UBE3C: variants seen among roughly 807,000 people sequenced by gnomAD.
UBE3C encodes the protein ubiquitin-protein ligase E3C.
Under a neutral mutation model 129.4 loss-of-function variants are expected in UBE3C, and 42 were observed. That is an observed-to-expected ratio of 0.32 (90% CI 0.25 to 0.42). UBE3C has a LOEUF of 0.42. Among genes scored for constraint, UBE3C ranks in the 10% least tolerant of loss-of-function variants. The pLI is 1.00. For synonymous variants in UBE3C, 510 were observed against 492.4 expected (o/e 1.04, Z -0.47); for missense variants, 1,049 against 1,319.1 (o/e 0.80, Z 3.17).
intron 18 of UBE3C, among the ~76,000 whole-genome samples, chr7:157,241,043 G>GAGGGA (rs551297329): frequency 5.7e-4 from 87 of 152,282 alleles, no homozygotes; most frequent in African/African-American, 1.9e-3. Flanking sequence ...ATTTTAGCGG[G>GAGGGA]AGGGAAGGGA....
At chr7:157,140,261 G>C (rs1182899050) in intron 1 of UBE3C, among the ~76,000 whole-genome samples, 2 of 150,664 alleles carry the variant, frequency 1.3e-5, no homozygotes, top group Admixed American at 6.6e-5. Flanking sequence ...ACAACCACCA[G>C]GTAGGCACAT....
intron 17 of UBE3C, among the ~76,000 whole-genome samples, chr7:157,230,843 G>C (rs1459295518): frequency 6.6e-6 from 1 of 151,376 alleles, no homozygotes; most frequent in Non-Finnish European, 1.5e-5. Context: ...AATTCCCTGA[G>C]AGTTTGTGGG....
Position 157,231,217 on chromosome 7 carries a change from T to C in UBE3C, c.2371T>C (p.Phe791Leu). Reference sequence around the variant, plus strand: ...GTCAGGATTTAACCCCAACCAGGGGTTCTTTAAGACTACTAATGAAGGGCT... The same window carrying C: ...GTCAGGATTTAACCCCAACCAGGGGCTCTTTAAGACTACTAATGAAGGGCT... ...LKSGFNPNQG[F>L]FKTTNEGLLY... Residue 791 changes from phenylalanine (F) to leucine (L), a missense_variant, in exon 18 of 23, where the codon TTC becomes CTC. This residue lies in a region of UBE3C where 243 missense variants were observed against 368.7 expected (regional missense o/e 0.66). Coordinates refer to ENST00000348165, the MANE Select transcript of UBE3C (RefSeq NM_014671.3). 1 of 1,613,976 alleles carries C rather than the reference T, an allele frequency of 6.2e-7. No individual in the cohort carries two copies. The highest frequency in any genetic ancestry group is 8.5e-7 in the Non-Finnish European group (1 of 1,180,002).
chr7:157,201,795 G>A lies in UBE3C; in HGVS notation c.1406G>A (p.Arg469Gln), dbSNP rs145837581. 1.1e-3 allele frequency: 1,711 copies of A among 1,610,790 alleles called. 2 individuals are homozygous for A. Among genetic ancestry groups the A allele is most frequent in the Non-Finnish European group, 1.3e-3 (1,557 of 1,178,740 alleles). The change falls in exon 11 of 23, where the codon CGG becomes CAG. Residue 469 changes from arginine to glutamine, a missense_variant. Physicochemically the swap from Arg to Gln is conservative, Grantham distance 43. Transcript: ENST00000348165. ...LWFLISSMST[R>Q]MITGSMVPLL... Reference sequence around the variant, plus strand: ...TTTCTAATATCTTCCATGTCAACACGGATGATCACAGGGTATGTATTATAC... The same window carrying A: ...TTTCTAATATCTTCCATGTCAACACAGATGATCACAGGGTATGTATTATAC...
intron 3 of UBE3C, 99 bp downstream of exon 3, chr7:157,169,221 A>C: frequency 1.2e-6 from 1 of 804,272 alleles, no homozygotes; most frequent in Admixed American, 2.4e-5. Context: ...CAATGCTGAC[A>C]GTAGTATTCT....
intron 10 of UBE3C, among the ~76,000 whole-genome samples, chr7:157,189,736 C>T (rs1245352620): frequency 6.7e-6 from 1 of 148,926 alleles, no homozygotes; most frequent in Non-Finnish European, 1.5e-5. Context: ...TTCTCAGTTT[C>T]CTTTGTGGGT....
intron 14 of UBE3C, among the ~76,000 whole-genome samples, chr7:157,219,074 A>G (rs749671479): frequency 1.1e-4 from 16 of 152,334 alleles, no homozygotes; most frequent in Admixed American, 8.5e-4. Context: ...TTTGCAAACT[A>G]GAATCAGCCT....
At chr7:157,184,109 T>A (rs1226611163) in intron 9 of UBE3C, 80 bp downstream of exon 9, 1 of 1,556,290 alleles carries the variant, frequency 6.4e-7, no homozygotes, top group East Asian at 2.3e-5. Context: ...CCACCCGTAG[T>A]TTCAGTTACA....
At position 157,267,838 on chromosome 7, in the gene UBE3C, C is replaced by A. The variant is rs1797122435; in HGVS notation, c.*83C>A. 8.2e-7 allele frequency: 1 copy of A among 1,225,662 alleles called. No homozygotes were observed. The highest frequency in any genetic ancestry group is 1.1e-6 in the Non-Finnish European group (1 of 899,700). 75.9% of individuals were successfully genotyped at this position (1,225,662 alleles called of 1,614,324 possible). Reference sequence around the variant, plus strand: ...CTCCCCAGACCCACGAGGATACTCACACTGCACGCCTGAGGCTCTCCTAAG... The same window carrying A: ...CTCCCCAGACCCACGAGGATACTCAAACTGCACGCCTGAGGCTCTCCTAAG... On this transcript the variant is annotated 3_prime_UTR_variant, in exon 23 of 23. Coordinates refer to ENST00000348165, the MANE Select transcript of UBE3C (RefSeq NM_014671.3).
At chr7:157,177,195 A>T (rs1014276827) in intron 5 of UBE3C, among the ~76,000 whole-genome samples, 2 of 152,160 alleles carry the variant, frequency 1.3e-5, no homozygotes, top group African/African-American at 2.4e-5. Flanking sequence ...AGCCATTCTG[A>T]TGGGTGTGTA....
chr7:157,243,461 C>T (rs73509649), intron 18 of UBE3C, among the ~76,000 whole-genome samples: 6,911 of 152,224 alleles, frequency 0.045, 380 homozygotes, highest in African/African-American at 0.12. Flanking sequence ...CTCAGTTATC[C>T]GTGGTAGACA....
chr7:157,226,847 C>T (rs1428477345), intron 17 of UBE3C, among the ~76,000 whole-genome samples: 3 of 151,868 alleles, frequency 2.0e-5, no homozygotes, highest in East Asian at 1.9e-4. Context: ...CTCCACAGGG[C>T]CAGGTTTGTC....
intron 4 of UBE3C, 90 bp downstream of exon 4, chr7:157,170,540 A>G: frequency 1.5e-6 from 2 of 1,344,370 alleles, no homozygotes; most frequent in Non-Finnish European, 9.7e-7. Flanking sequence ...CAGAAAGTTA[A>G]ACAGCTCTCC....
At chr7:157,163,977 A>ATGTG (rs1586655103) in intron 2 of UBE3C, 114 bp downstream of exon 2, 1 of 875,386 alleles carries the variant, frequency 1.1e-6, no homozygotes, top group East Asian at 2.6e-5. Flanking sequence ...ATATGACAGA[A>ATGTG]TGTGTGTGTA....
intron 1 of UBE3C, among the ~76,000 whole-genome samples, chr7:157,142,898 G>A (rs543486007): frequency 3.3e-5 from 5 of 150,578 alleles, no homozygotes; most frequent in East Asian, 1.9e-4. Context: ...ACGCTGGAGC[G>A]CAGTGTTGCC....
At chr7:157,177,099 G>A (rs1398591648) in intron 5 of UBE3C, among the ~76,000 whole-genome samples, 1 of 152,176 alleles carries the variant, frequency 6.6e-6, no homozygotes, top group Non-Finnish European at 1.5e-5. Context: ...CACTTTAGAA[G>A]AAACTACCAA....
intron 13 of UBE3C, among the ~76,000 whole-genome samples, chr7:157,212,805 C>G (rs950623787): frequency 6.6e-6 from 1 of 152,046 alleles, no homozygotes; most frequent in Non-Finnish European, 1.5e-5. Context: ...TTCTGTTGCC[C>G]AAGCTGGAGT....
Position 157,181,622 on chromosome 7 carries a change from G to C in UBE3C, c.721G>C (p.Val241Leu). 1.2e-6 allele frequency: 2 copies of C among 1,613,820 alleles called. No homozygotes were observed. The highest frequency in any genetic ancestry group is 1.7e-6 in the Non-Finnish European group (2 of 1,179,934). Residue 241 changes from valine to leucine, a missense_variant, in exon 7 of 23, where the codon GTT becomes CTT. This residue lies in a region of UBE3C where 489 missense variants were observed against 513.8 expected (regional missense o/e 0.95). Coordinates refer to ENST00000348165, the MANE Select transcript of UBE3C (RefSeq NM_014671.3). ...VPIAKILLEN[V>L]LKPLHFTYNS... The stretch of plus-strand genomic sequence containing the variant: ...TATAGCAAAAATTTTGCTAGAGAAT[G>C]TTCTAAAACCATTGCACTTTACTTA...
intron 1 of UBE3C, among the ~76,000 whole-genome samples, chr7:157,157,973 GAT>G (rs67483339): frequency 0.37 from 52,650 of 141,770 alleles, 10,792 homozygotes; most frequent in African/African-American, 0.56. Flanking sequence ...GATATATATA[GAT>G]ATATATATAT....
Sources: gnomAD v4.1 joint callset for allele counts (sites outside exome capture counted in the v4.1 genomes callset) on GRCh38, gnomAD v4.1.1 for gene constraint, gnomAD v4.1.1 regional missense constraint, MANE v1.5 for transcripts, NCBI Gene and HGNC (gene_info 2026-07-23, HGNC 2026-07-21) for gene names.